The following APBB2 variants were observed in gnomAD, a reference collection of about 807,000 sequenced individuals.
The protein encoded by APBB2 is Fe65-like 1.
A neutral mutation model predicts 82.5 loss-of-function variants in APBB2; 38 were observed. The observed-to-expected ratio is 0.46, with a 90% CI of 0.36 to 0.60. APBB2 has a LOEUF of 0.60. Ranked by LOEUF, APBB2 falls within the 20% of genes least tolerant of loss-of-function variation. The probability of loss-of-function intolerance (pLI) is 0.00; values close to 1 mark genes in which losing one functional copy is unlikely to be tolerated. For synonymous variants in APBB2, 341 were observed against 368.2 expected, an observed-to-expected ratio of 0.93 and a Z score of 0.85; for missense variants, 772 against 972.3, an observed-to-expected ratio of 0.79 and a Z score of 2.74.
At chr4:41,016,556 C>T (rs1335142743) in intron 5 of APBB2, among the ~76,000 whole-genome samples, 1 of 151,976 alleles carries the variant, frequency 6.6e-6, no homozygotes, top group Non-Finnish European at 1.5e-5. Context: ...GAGGCTGAGG[C>T]AGGAGAATCG....
intron 10 of APBB2, among the ~76,000 whole-genome samples, chr4:40,895,149 T>C (rs1220418652): frequency 6.6e-6 from 1 of 152,190 alleles, no homozygotes; most frequent in Non-Finnish European, 1.5e-5. Context: ...GGGCACCTCG[T>C]TCCTGAGCGG....
intron 3 of APBB2, among the ~76,000 whole-genome samples, chr4:41,082,680 C>T (rs1738099109): frequency 2.0e-5 from 3 of 151,308 alleles, no homozygotes; most frequent in Non-Finnish European, 4.4e-5. Flanking sequence ...TAAAGAGATC[C>T]TCTCCAAAGT....
chr4:40,889,276 G>A (rs1002667286), intron 12 of APBB2, among the ~76,000 whole-genome samples: 4 of 152,192 alleles, frequency 2.6e-5, no homozygotes, highest in African/African-American at 9.7e-5. Flanking sequence ...ATGAATACTT[G>A]GCCATAATCC....
chr4:40,992,001 C>A (rs1267326150), intron 6 of APBB2, among the ~76,000 whole-genome samples: 4 of 152,020 alleles, frequency 2.6e-5, no homozygotes, highest in Non-Finnish European at 5.9e-5. Flanking sequence ...CACTCACGCA[C>A]AGACACCACA....
intron 5 of APBB2, among the ~76,000 whole-genome samples, chr4:41,029,965 G>A (rs1379876334): frequency 1.3e-5 from 2 of 152,198 alleles, no homozygotes; most frequent in East Asian, 1.9e-4. Flanking sequence ...GGCCATCCTG[G>A]CTAACACAGT....
intron 1 of APBB2, among the ~76,000 whole-genome samples, chr4:41,196,118 C>T: frequency 6.6e-6 from 1 of 151,512 alleles, no homozygotes; most frequent in South Asian, 2.1e-4. Flanking sequence ...AAGATCCCGC[C>T]ACTGCACTCC....
At chr4:40,980,136 C>T (rs1798120443) in intron 6 of APBB2, among the ~76,000 whole-genome samples, 1 of 152,194 alleles carries the variant, frequency 6.6e-6, no homozygotes, top group Admixed American at 6.5e-5. Flanking sequence ...AATTCTCCTG[C>T]CTCAGCCTCC....
intron 1 of APBB2, among the ~76,000 whole-genome samples, chr4:41,191,011 C>A (rs1175175411): frequency 1.3e-5 from 2 of 152,166 alleles, no homozygotes; most frequent in Non-Finnish European, 2.9e-5. Context: ...TGAGACCCAA[C>A]CTGATCGATT....
chr4:40,898,983 T>C (rs1423255375), intron 10 of APBB2, among the ~76,000 whole-genome samples: 1 of 152,178 alleles, frequency 6.6e-6, no homozygotes, highest in African/African-American at 2.4e-5. Flanking sequence ...GAAGTTGTGA[T>C]CTGGGAGCCA....
chr4:40,825,590 G>A (rs758599445), intron 15 of APBB2, among the ~76,000 whole-genome samples: 5 of 152,246 alleles, frequency 3.3e-5, no homozygotes, highest in African/African-American at 4.8e-5. Context: ...TCAGAGCAGC[G>A]GAGCTCTTCC....
intron 6 of APBB2, among the ~76,000 whole-genome samples, chr4:40,992,485 C>CT (rs1394466918): frequency 1.3e-5 from 2 of 152,020 alleles, no homozygotes; most frequent in East Asian, 3.9e-4. Context: ...ATTGACACAG[C>CT]TTTTTAGTTC....
chr4:40,891,174 T>C (rs1174268677), intron 11 of APBB2, among the ~76,000 whole-genome samples: 3 of 152,304 alleles, frequency 2.0e-5, no homozygotes, highest in South Asian at 2.1e-4. Context: ...GGGTCTGACA[T>C]AGAACCTGTG....
At chr4:40,995,022 G>C (rs1803250298) in intron 6 of APBB2, among the ~76,000 whole-genome samples, 1 of 151,764 alleles carries the variant, frequency 6.6e-6, no homozygotes, top group Non-Finnish European at 1.5e-5. Context: ...GCACTTCAAG[G>C]ATTCTAGGTC....
At position 41,014,343 on chromosome 4, in the gene APBB2, G is replaced by C. The variant is rs1338321948; in HGVS notation, c.75C>G (p.Asp25Glu). 1.9e-6 allele frequency: 3 copies of C among 1,614,068 alleles called. No individual in the cohort carries two copies. Among genetic ancestry groups the C allele is most frequent in the Middle Eastern group, 1.6e-4 (1 of 6,062 alleles). Reference protein sequence around the residue: ...AVFMASSGTTDVTNRNSPATP... With the variant: ...AVFMASSGTTEVTNRNSPATP... ...TGGCTGGGCTGTTCCGATTTGTGAC[G>C]TCTGTAGTTCCGCTGCTGGCCATAA... Residue 25 changes from aspartate to glutamate, a missense_variant, in exon 6 of 18, where the codon GAC becomes GAG. Asp to Glu is a conservative substitution (Grantham distance 45, BLOSUM62 2). Coordinates refer to ENST00000508593, the MANE Select transcript of APBB2 (RefSeq NM_004307.2).
chr4:41,044,072 T>C (rs866360407), intron 4 of APBB2, among the ~76,000 whole-genome samples: 21 of 152,232 alleles, frequency 1.4e-4, no homozygotes, highest in African/African-American at 4.8e-4. Context: ...TGTTATTCAA[T>C]GCCTAAATCC....
chr4:41,140,708 T>G (rs1021286909), intron 2 of APBB2, among the ~76,000 whole-genome samples: 7 of 152,318 alleles, frequency 4.6e-5, no homozygotes, highest in African/African-American at 1.7e-4. Flanking sequence ...ATCGCTCACG[T>G]TACCTCCTGG....
At chr4:40,819,097 T>G (rs193081448) in intron 17 of APBB2, among the ~76,000 whole-genome samples, 11 of 152,114 alleles carry the variant, frequency 7.2e-5, no homozygotes, top group African/African-American at 2.4e-4. Flanking sequence ...CCATTCTTGG[T>G]TCTTAGCATC....
chr4:40,977,366 G>T (rs775022583), intron 6 of APBB2, among the ~76,000 whole-genome samples: 4 of 148,270 alleles, frequency 2.7e-5, no homozygotes, highest in Non-Finnish European at 4.4e-5. Context: ...CCCCAGCTGT[G>T]CACTGGCATA....
At chr4:41,011,152 T>C (rs868617602) in intron 6 of APBB2, among the ~76,000 whole-genome samples, 3 of 151,636 alleles carry the variant, frequency 2.0e-5, no homozygotes, top group Admixed American at 6.6e-5. Flanking sequence ...ATTATTGTTT[T>C]TTTTTTTAAT....
Sources: allele counts gnomAD v4.1 joint callset (sites outside exome capture counted in the v4.1 genomes callset), GRCh38; gene constraint gnomAD v4.1.1; transcripts MANE v1.5; gene names NCBI Gene and HGNC (gene_info 2026-07-23, HGNC 2026-07-21).